Variants in SUCLG2 observed in about 807,000 individuals in gnomAD.
SUCLG2 encodes the protein succinate--CoA ligase [GDP-forming] subunit beta, mitochondrial.
Under a neutral mutation model 47.9 loss-of-function variants are expected in SUCLG2, and 42 were observed. That is an observed-to-expected ratio of 0.88 (90% confidence interval 0.69 to 1.14). The LOEUF (loss-of-function observed/expected upper bound fraction) is 1.14, where lower values mean the gene tolerates loss of function less well. SUCLG2 is among the 50% of genes most tolerant of loss of function. The pLI is 0.00. For missense variants in SUCLG2, 571 were observed against 525.9 expected (o/e 1.09, Z -0.84); for synonymous variants, 195 against 197.3 (o/e 0.99, Z 0.10).
chr3:67,512,833 A>G (rs988881344), intron 6 of SUCLG2, among the ~76,000 whole-genome samples: 11 of 150,110 alleles, frequency 7.3e-5, no homozygotes, highest in African/African-American at 2.8e-4. Flanking sequence ...GTGTCTATAA[A>G]TTTGACTATT....
At chr3:67,614,410 T>A (rs1165799199) in intron 1 of SUCLG2, among the ~76,000 whole-genome samples, 1 of 151,648 alleles carries the variant, frequency 6.6e-6, no homozygotes, top group African/African-American at 2.4e-5. Context: ...TCTCCCCTGC[T>A]GTGACTTCTG....
At chr3:67,462,921 G>C (rs1433529134) in intron 9 of SUCLG2, among the ~76,000 whole-genome samples, 2 of 152,138 alleles carry the variant, frequency 1.3e-5, no homozygotes, top group Non-Finnish European at 2.9e-5. Flanking sequence ...AGAATTGATT[G>C]CTTGCTTACT....
At chr3:67,438,453 G>A (rs1022749808) in intron 9 of SUCLG2, among the ~76,000 whole-genome samples, 1 of 151,942 alleles carries the variant, frequency 6.6e-6, no homozygotes, top group African/African-American at 2.4e-5. Context: ...GAATCCAAGA[G>A]CTGTTTTTTT....
intron 7 of SUCLG2, among the ~76,000 whole-genome samples, chr3:67,501,078 G>C (rs926046773): frequency 2.0e-5 from 3 of 152,138 alleles, no homozygotes; most frequent in Non-Finnish European, 4.4e-5. Context: ...GGTGACTATG[G>C]GATAAAAGGG....
intron 9 of SUCLG2, among the ~76,000 whole-genome samples, chr3:67,422,690 T>C (rs908372747): frequency 2.6e-5 from 4 of 151,992 alleles, no homozygotes; most frequent in Admixed American, 2.6e-4. Flanking sequence ...AAGAACATCT[T>C]ATAAACCATA....
intron 2 of SUCLG2, among the ~76,000 whole-genome samples, chr3:67,550,415 C>G (rs1032846888): frequency 6.6e-6 from 1 of 152,216 alleles, no homozygotes; most frequent in African/African-American, 2.4e-5. Context: ...TCATGGCTCA[C>G]TGCAGCCTCG....
Position 67,495,958 on chromosome 3 carries a change from G to A in SUCLG2, c.920-18C>T, listed in dbSNP as rs375720485. ...ACCATTCACTGTGAAATGCAAATGG[G>A]ACACAAGACAGGCTACATTTAGCAA... On this transcript the variant is annotated intron_variant, in intron 8 of 10. Transcript: ENST00000307227. 10 of 1,613,472 alleles carry A rather than the reference G, an allele frequency of 6.2e-6. No individual in the cohort carries two copies. The African/African-American group carries it at 9.3e-5, about 15-fold the overall frequency.
At chr3:67,401,801 T>G (rs1234328806) in intron 9 of SUCLG2, among the ~76,000 whole-genome samples, 5 of 152,202 alleles carry the variant, frequency 3.3e-5, no homozygotes, top group Non-Finnish European at 5.9e-5. Flanking sequence ...TATATATATG[T>G]GCTGCATAGA....
intron 9 of SUCLG2, chr3:67,408,589 G>A (rs1003383379): frequency 1.1e-5 from 11 of 986,434 alleles, no homozygotes; most frequent in African/African-American, 1.7e-5. Flanking sequence ...TCTGAAAGCA[G>A]TCAGGGGAAC....
intron 2 of SUCLG2, among the ~76,000 whole-genome samples, chr3:67,539,425 G>A (rs1706639140): frequency 6.6e-6 from 1 of 152,186 alleles, no homozygotes; most frequent in African/African-American, 2.4e-5. Flanking sequence ...CATCGTGGTG[G>A]ATAAGCTTTT....
chr3:67,543,484 T>C (rs529311753), intron 2 of SUCLG2, among the ~76,000 whole-genome samples: 55 of 152,140 alleles, frequency 3.6e-4, no homozygotes, highest in African/African-American at 1.0e-3. Context: ...CTGGGCAACA[T>C]GGTGAAACCC....
At position 67,399,008 on chromosome 3, in the gene SUCLG2, C is replaced by G. The variant is rs1290392996; in HGVS notation, c.1183+1723G>C. On this transcript the variant is annotated intron_variant, in intron 10 of 10. Transcript: ENST00000307227. Reference sequence around the variant, plus strand: ...GACACAGGAAGGGGAACATCACACTCTGGGGACTGTTGTGGGGTGGGGGGA... The same window carrying G: ...GACACAGGAAGGGGAACATCACACTGTGGGGACTGTTGTGGGGTGGGGGGA... Among the ~76,000 whole-genome samples the G allele has an allele frequency of 8.2e-4, 95 of 116,156 alleles. 2 individuals are homozygous for G. The highest frequency in any genetic ancestry group is 2.8e-4 in the Non-Finnish European group (17 of 59,984). 76.2% of individuals were successfully genotyped at this position (116,156 alleles called of 152,430 possible).
At chr3:67,503,426 G>C (rs1473380433) in intron 7 of SUCLG2, among the ~76,000 whole-genome samples, 1 of 152,204 alleles carries the variant, frequency 6.6e-6, no homozygotes, top group East Asian at 1.9e-4. Context: ...ATTTCCTCCT[G>C]TAAGACGCTT....
chr3:67,579,919 A>G (rs1239171792), intron 2 of SUCLG2, among the ~76,000 whole-genome samples: 1 of 152,210 alleles, frequency 6.6e-6, no homozygotes, highest in East Asian at 1.9e-4. Flanking sequence ...AGAAAGACAC[A>G]TTATTAAATA....
intron 10 of SUCLG2, among the ~76,000 whole-genome samples, chr3:67,391,223 T>C (rs550618448): frequency 3.3e-4 from 51 of 152,350 alleles, no homozygotes; most frequent in Admixed American, 1.7e-3. Flanking sequence ...AACATAAACA[T>C]ATTCTGTGTC....
intron 9 of SUCLG2, among the ~76,000 whole-genome samples, chr3:67,435,484 C>T (rs1575693506): frequency 1.3e-5 from 2 of 151,992 alleles, no homozygotes; most frequent in South Asian, 2.1e-4. Flanking sequence ...TTATAGACAT[C>T]GTTAAGTCAG....
chr3:67,505,623 T>C (rs1049093112), intron 7 of SUCLG2, among the ~76,000 whole-genome samples: 1 of 152,082 alleles, frequency 6.6e-6, no homozygotes, highest in Non-Finnish European at 1.5e-5. Context: ...TTATTAAAAA[T>C]AGCACTCACT....
chr3:67,554,849 C>G (rs1486041936), intron 2 of SUCLG2, among the ~76,000 whole-genome samples: 1 of 152,062 alleles, frequency 6.6e-6, no homozygotes, highest in Non-Finnish European at 1.5e-5. Flanking sequence ...TTCCAGGTAG[C>G]CATATATTCA....
intron 2 of SUCLG2, among the ~76,000 whole-genome samples, chr3:67,541,737 A>G (rs1706718076): frequency 6.6e-6 from 1 of 152,222 alleles, no homozygotes; most frequent in South Asian, 2.1e-4. Flanking sequence ...GGTTGAAATG[A>G]AGGAAAAAAT....
Sources: allele counts gnomAD v4.1 joint callset (sites outside exome capture counted in the v4.1 genomes callset), GRCh38; gene constraint gnomAD v4.1.1; transcripts MANE v1.5; gene names NCBI Gene and HGNC (gene_info 2026-07-23, HGNC 2026-07-21).